Variants in ROBO1 observed in about 807,000 individuals in gnomAD.
The protein encoded by ROBO1 is roundabout homolog 1.
A neutral mutation model predicts 195.9 loss-of-function variants in ROBO1; 149 were observed. That is an observed-to-expected ratio of 0.76 (90% CI 0.67 to 0.87). The LOEUF (loss-of-function observed/expected upper bound fraction) is 0.87, where lower values mean the gene tolerates loss of function less well. Among genes scored for constraint, ROBO1 ranks in the 40% least tolerant of loss-of-function variants. ROBO1 has a pLI of 0.00. For synonymous variants in ROBO1, 816 were observed against 733.2 expected, an observed-to-expected ratio of 1.11 and a Z score of -1.82; for missense variants, 1,933 against 2,068.3, an observed-to-expected ratio of 0.93 and a Z score of 1.27.
chr3:78,771,314 T>C (rs2083369738), intron 4 of ROBO1, among the ~76,000 whole-genome samples: 1 of 152,212 alleles, frequency 6.6e-6, no homozygotes, highest in Non-Finnish European at 1.5e-5. Context: ...TTGTATAGTT[T>C]GAAGTCAGGT....
chr3:79,106,076 G>C (rs746481827), intron 3 of ROBO1, among the ~76,000 whole-genome samples: 10 of 151,702 alleles, frequency 6.6e-5, no homozygotes, highest in African/African-American at 2.2e-4. Flanking sequence ...CACAGAGCTG[G>C]ATATCTTGCT....
At chr3:79,530,121 CATA>C (rs1484288833) in intron 2 of ROBO1, among the ~76,000 whole-genome samples, 1 of 152,118 alleles carries the variant, frequency 6.6e-6, no homozygotes, top group Non-Finnish European at 1.5e-5. Context: ...CATAATAACA[CATA>C]ATAAAACATT....
At chr3:79,082,193 T>C (rs1390539396) in intron 3 of ROBO1, among the ~76,000 whole-genome samples, 1 of 152,148 alleles carries the variant, frequency 6.6e-6, no homozygotes, top group Non-Finnish European at 1.5e-5. Context: ...AGAAATTCCA[T>C]AGCTAGAAGA....
intron 3 of ROBO1, among the ~76,000 whole-genome samples, chr3:79,033,566 C>A (rs945371854): frequency 6.6e-6 from 1 of 152,132 alleles, no homozygotes; most frequent in African/African-American, 2.4e-5. Context: ...TTTACCACTA[C>A]ATGCTGCTTT....
chr3:79,390,094 C>A (rs974851542), intron 2 of ROBO1, among the ~76,000 whole-genome samples: 5 of 151,742 alleles, frequency 3.3e-5, no homozygotes, highest in African/African-American at 1.2e-4. Context: ...TAAGAAATAT[C>A]AATAAAAAAT....
At chr3:78,733,441 A>G (rs1358778547) in intron 5 of ROBO1, among the ~76,000 whole-genome samples, 4 of 152,068 alleles carry the variant, frequency 2.6e-5, no homozygotes, top group East Asian at 3.9e-4. Context: ...TGATGTCCAC[A>G]GAAAGAAAAA....
intron 3 of ROBO1, among the ~76,000 whole-genome samples, chr3:79,086,312 TA>T (rs932286463): frequency 1.5e-3 from 223 of 146,986 alleles, no homozygotes; most frequent in African/African-American, 4.6e-3. Context: ...CTCTTTCATG[TA>T]AAAAAAAAAG....
chr3:78,606,983 C>A lies in ROBO1; in HGVS notation c.4494G>T (p.Lys1498Asn), dbSNP rs780037540. The change falls in exon 29 of 31, where the codon AAG (lysine) becomes AAT (asparagine). Residue 1498 changes from lysine (K) to asparagine (N), a missense_variant. By Grantham distance (94) the Lys-to-Asn change is moderately conservative. Transcript: ENST00000464233. ...CTACAGGTCGTACTTCCAGCTGTGTCTTGGATTGGGCAGTAGGTGACTTTA... is the reference window on the plus strand; with the variant it reads ...CTACAGGTCGTACTTCCAGCTGTGTATTGGATTGGGCAGTAGGTGACTTTA... ...PAIKSPTAQS[K>N]TQLEVRPVVV... The A allele has an allele frequency of 6.2e-7, 1 of 1,613,748 alleles. No individual in the cohort carries two copies. Among genetic ancestry groups the A allele is most frequent in the East Asian group, 2.2e-5 (1 of 44,856 alleles).
At chr3:78,848,515 G>A (rs62257511) in intron 4 of ROBO1, among the ~76,000 whole-genome samples, 33,051 of 152,016 alleles carry the variant, frequency 0.22, 4,119 homozygotes, top group East Asian at 0.51. Flanking sequence ...TTATATAGGA[G>A]GTCAGGGAAT....
chr3:79,662,183 A>T (rs983500500), intron 1 of ROBO1, among the ~76,000 whole-genome samples: 5 of 152,110 alleles, frequency 3.3e-5, no homozygotes, highest in Non-Finnish European at 5.9e-5. Flanking sequence ...TGGAATGAGA[A>T]TTAGCAGCTT....
intron 3 of ROBO1, among the ~76,000 whole-genome samples, chr3:78,971,910 C>G (rs969023370): frequency 6.6e-6 from 1 of 152,030 alleles, no homozygotes; most frequent in African/African-American, 2.4e-5. Context: ...GGATTACAGG[C>G]GCCCGCCACC....
At chr3:79,605,138 T>C (rs544338498) in intron 1 of ROBO1, among the ~76,000 whole-genome samples, 1 of 152,126 alleles carries the variant, frequency 6.6e-6, no homozygotes, top group African/African-American at 2.4e-5. Context: ...TTCAACGCAG[T>C]TTACAGCCTG....
intron 8 of ROBO1, among the ~76,000 whole-genome samples, chr3:78,690,772 T>C (rs1034304895): frequency 6.6e-6 from 1 of 152,072 alleles, no homozygotes; most frequent in Non-Finnish European, 1.5e-5. Context: ...GGAATTTGAG[T>C]AGGAAAATAT....
At chr3:79,700,329 G>GTGTGTA (rs1203285110) in intron 1 of ROBO1, among the ~76,000 whole-genome samples, 1 of 148,148 alleles carries the variant, frequency 6.8e-6, no homozygotes, top group Non-Finnish European at 1.5e-5. Flanking sequence ...GTGTGTGTGT[G>GTGTGTA]TGTGTGTGTG....
chr3:78,871,468 G>A (rs182139861), intron 4 of ROBO1, among the ~76,000 whole-genome samples: 3 of 151,960 alleles, frequency 2.0e-5, no homozygotes, highest in Admixed American at 6.6e-5. Flanking sequence ...AATTTCCTAC[G>A]GCATCAGTTG....
At chr3:79,667,056 T>C (rs1946495866) in intron 1 of ROBO1, among the ~76,000 whole-genome samples, 1 of 151,918 alleles carries the variant, frequency 6.6e-6, no homozygotes, top group African/African-American at 2.4e-5. Flanking sequence ...ATAACTCATA[T>C]TTATTTTACT....
At chr3:79,537,117 T>TA (rs1553760807) in intron 2 of ROBO1, among the ~76,000 whole-genome samples, 1 of 151,896 alleles carries the variant, frequency 6.6e-6, no homozygotes, top group African/African-American at 2.4e-5. Context: ...TTTTTTATTT[T>TA]TTTTTTGACT....
At chr3:79,509,425 G>T (rs942002228) in intron 2 of ROBO1, among the ~76,000 whole-genome samples, 4 of 152,068 alleles carry the variant, frequency 2.6e-5, no homozygotes, top group African/African-American at 9.7e-5. Context: ...GGGATATGGG[G>T]TTAGGTATTC....
intron 2 of ROBO1, among the ~76,000 whole-genome samples, chr3:79,589,411 G>A (rs1453742144): frequency 2.6e-5 from 4 of 151,582 alleles, no homozygotes; most frequent in African/African-American, 7.3e-5. Flanking sequence ...ATGTTACTAC[G>A]CTAAGAAATG....
Sources: allele counts gnomAD v4.1 joint callset (sites outside exome capture counted in the v4.1 genomes callset), GRCh38; gene constraint gnomAD v4.1.1; transcripts MANE v1.5; gene names NCBI Gene and HGNC (gene_info 2026-07-23, HGNC 2026-07-21).